OXR1: variants seen among roughly 807,000 people sequenced by gnomAD.
OXR1 encodes the protein oxidation resistance 1.
Under a neutral mutation model 104.6 loss-of-function variants are expected in OXR1, and 41 were observed. That is an observed-to-expected ratio of 0.39 (90% CI 0.31 to 0.51). The LOEUF (loss-of-function observed/expected upper bound fraction) is 0.51, where lower values mean the gene tolerates loss of function less well. Among genes scored for constraint, OXR1 ranks in the 20% least tolerant of loss-of-function variants. The probability of loss-of-function intolerance (pLI) is 0.77; values close to 1 mark genes in which losing one functional copy is unlikely to be tolerated. For missense variants in OXR1, 955 were observed against 1,031.9 expected (o/e 0.93, Z 1.02); for synonymous variants, 348 against 348.4 (o/e 1.00, Z 0.01).
At chr8:106,490,343 TTTGATTGATTGATTGA>T (rs148049476) in intron 2 of OXR1, among the ~76,000 whole-genome samples, 1 of 151,632 alleles carries the variant, frequency 6.6e-6, no homozygotes, top group African/African-American at 2.4e-5. Context: ...GGATGCGGTA[TTTGATTGATTGATTGA>T]TTGATTGATT....
chr8:106,419,513 G>T (rs1341930288), intron 2 of OXR1, among the ~76,000 whole-genome samples: 1 of 152,122 alleles, frequency 6.6e-6, no homozygotes. Flanking sequence ...CTAGAGGTAT[G>T]AGGAGTGGAA....
At chr8:106,714,356 TCTC>T (rs1331804196) in intron 11 of OXR1, among the ~76,000 whole-genome samples, 2 of 152,026 alleles carry the variant, frequency 1.3e-5, no homozygotes, top group Non-Finnish European at 2.9e-5. Context: ...TTTAATTTCA[TCTC>T]CTCCATGGAG....
intron 1 of OXR1, among the ~76,000 whole-genome samples, chr8:106,353,748 TA>T (rs930074428): frequency 6.6e-6 from 1 of 152,170 alleles, no homozygotes; most frequent in Non-Finnish European, 1.5e-5. Flanking sequence ...GTGAGAACAT[TA>T]AAAAATCTGC....
intron 15 of OXR1, 44 bp from the exon 16 acceptor site, chr8:106,745,745 A>G (rs1439558778): frequency 1.1e-6 from 1 of 946,480 alleles, no homozygotes; most frequent in Non-Finnish European, 1.6e-6. Flanking sequence ...CTCTATAATA[A>G]CCATTTCATC....
At chr8:106,739,099 C>T (rs1421880106) in intron 12 of OXR1, among the ~76,000 whole-genome samples, 1 of 151,214 alleles carries the variant, frequency 6.6e-6, no homozygotes, top group East Asian at 1.9e-4. Flanking sequence ...CACACACACA[C>T]ACACACACAC....
chr8:106,507,277 C>T lies in OXR1; in HGVS notation c.24-11666C>T, dbSNP rs1296783063. On this transcript the variant is annotated intron_variant, in intron 2 of 16. Transcript: ENST00000517566. ...TCTGGATGGTGTTATATTATCCCTC[C>T]TATAGACTATTGAGTTGAGTACTGT... Among the ~76,000 whole-genome samples the T allele has an allele frequency of 3.3e-5, 5 of 152,208 alleles. No homozygotes were observed. In the East Asian group the frequency reaches 9.7e-4, roughly 29 times the overall value.
intron 3 of OXR1, among the ~76,000 whole-genome samples, chr8:106,602,841 C>T (rs1820076961): frequency 6.6e-6 from 1 of 151,898 alleles, no homozygotes; most frequent in South Asian, 2.1e-4. Flanking sequence ...GTCCCTTATT[C>T]CTCTATTGTT....
At chr8:106,529,527 T>C (rs1482273257) in intron 3 of OXR1, among the ~76,000 whole-genome samples, 1 of 152,242 alleles carries the variant, frequency 6.6e-6, no homozygotes, top group Non-Finnish European at 1.5e-5. Context: ...ATATGTTTGC[T>C]TGATATTCCT....
chr8:106,568,531 C>T (rs1817240671), intron 3 of OXR1, among the ~76,000 whole-genome samples: 1 of 152,054 alleles, frequency 6.6e-6, no homozygotes, highest in Non-Finnish European at 1.5e-5. Flanking sequence ...TCCCCTCCTC[C>T]TGAGTTGTCT....
At chr8:106,506,691 T>C (rs1812189208) in intron 2 of OXR1, among the ~76,000 whole-genome samples, 1 of 150,642 alleles carries the variant, frequency 6.6e-6, no homozygotes, top group African/African-American at 2.4e-5. Flanking sequence ...AGAGTGAAAA[T>C]AGAGCAGAGG....
At chr8:106,545,902 A>G (rs1031674046) in intron 3 of OXR1, among the ~76,000 whole-genome samples, 2 of 151,942 alleles carry the variant, frequency 1.3e-5, no homozygotes, top group South Asian at 4.2e-4. Context: ...AGGCTAAGGC[A>G]GGAGAATTGC....
chr8:106,664,299 G>A (rs1826061028), intron 3 of OXR1, among the ~76,000 whole-genome samples: 1 of 152,168 alleles, frequency 6.6e-6, no homozygotes, highest in African/African-American at 2.4e-5. Flanking sequence ...ATCTCCTGAA[G>A]GGCTTGTTAG....
intron 3 of OXR1, among the ~76,000 whole-genome samples, chr8:106,538,197 A>G (rs1472028468): frequency 6.6e-6 from 1 of 152,196 alleles, no homozygotes. Context: ...ATGTGATTTA[A>G]TATCCTGTGA....
chr8:106,622,432 G>A (rs988444894), intron 3 of OXR1, among the ~76,000 whole-genome samples: 5 of 146,252 alleles, frequency 3.4e-5, no homozygotes, highest in Non-Finnish European at 7.5e-5. Flanking sequence ...TGGCCCACAG[G>A]GCCCTAACTG....
chr8:106,519,584 G>A (rs891856137), intron 3 of OXR1, among the ~76,000 whole-genome samples: 3 of 152,092 alleles, frequency 2.0e-5, no homozygotes, highest in Non-Finnish European at 4.4e-5. Flanking sequence ...TGTGGTTGAC[G>A]TTAGCCTGTA....
At chr8:106,353,175 C>T (rs1401845371) in intron 1 of OXR1, among the ~76,000 whole-genome samples, 2 of 151,962 alleles carry the variant, frequency 1.3e-5, no homozygotes, top group Non-Finnish European at 2.9e-5. Context: ...ATGTCAAAAC[C>T]CCATCTCTGC....
chr8:106,735,564 A>G lies in OXR1; in HGVS notation c.1957-1956A>G, dbSNP rs117357851. ...AGGAGTTTTAGAATATAGATATAAGATAATTGTTAACTGGAGGGATAGAAG... is the reference window on the plus strand; with the variant it reads ...AGGAGTTTTAGAATATAGATATAAGGTAATTGTTAACTGGAGGGATAGAAG... On this transcript the variant is annotated intron_variant, in intron 11 of 16. Coordinates refer to ENST00000517566, the MANE Select transcript of OXR1 (RefSeq NM_001198533.2). 2.4e-4 allele frequency among the ~76,000 whole-genome samples: 37 copies of G among 152,218 alleles called. No individual in the cohort carries two copies. In the East Asian group the frequency reaches 6.8e-3, roughly 28 times the overall value.
At chr8:106,470,468 C>A (rs11990584) in intron 2 of OXR1, among the ~76,000 whole-genome samples, 9,413 of 151,646 alleles carry the variant, frequency 0.062, 712 homozygotes, top group African/African-American at 0.18. Flanking sequence ...TGCCACCAAC[C>A]AAGATGGGAA....
intron 2 of OXR1, among the ~76,000 whole-genome samples, chr8:106,360,756 A>G (rs954510740): frequency 2.0e-5 from 3 of 152,170 alleles, no homozygotes; most frequent in African/African-American, 7.2e-5. Flanking sequence ...GTTTTTAAAA[A>G]TGTAATTTTT....
Sources: gnomAD v4.1 joint callset for allele counts (sites outside exome capture counted in the v4.1 genomes callset) on GRCh38, gnomAD v4.1.1 for gene constraint, MANE v1.5 for transcripts, NCBI Gene and HGNC (gene_info 2026-07-23, HGNC 2026-07-21) for gene names.